AVEN: variants seen among roughly 807,000 people sequenced by gnomAD.
AVEN encodes apoptosis and caspase activation inhibitor.
A neutral mutation model predicts 38.1 loss-of-function variants in AVEN; 41 were observed. The observed-to-expected ratio is 1.08, with a 90% CI of 0.84 to 1.40. The LOEUF is 1.40. Ranked by LOEUF, AVEN falls within the 40% of genes most tolerant of loss-of-function variation. The pLI, the probability that AVEN is intolerant of heterozygous loss-of-function variation, is 0.00. For synonymous variants in AVEN, 206 were observed against 171.8 expected (o/e 1.20, Z -1.56); for missense variants, 605 against 438.8 (o/e 1.38, Z -3.38).
chr15:34,035,129 G>A (rs76818512), intron 1 of AVEN, among the ~76,000 whole-genome samples: 3,041 of 152,148 alleles, frequency 0.02, 79 homozygotes, highest in Admixed American at 0.049. Flanking sequence ...AACGCCATCG[G>A]GTATTAATTA....
intron 4 of AVEN, chr15:34,064,097 C>G (rs1223290315): frequency 6.2e-7 from 1 of 1,614,178 alleles, no homozygotes. Context: ...CGTATAACAT[C>G]ATGGTCCTGG....
intron 1 of AVEN, among the ~76,000 whole-genome samples, chr15:34,072,058 G>A (rs1175737296): frequency 6.6e-6 from 1 of 151,940 alleles, no homozygotes; most frequent in Non-Finnish European, 1.5e-5. Flanking sequence ...TTGAGGCCAG[G>A]AGTCTGAGAT....
Position 34,039,085 on chromosome 15 carries a change from G to C in AVEN, c.-39C>G, listed in dbSNP as rs1021896833. The C allele has an allele frequency of 8.0e-5, 86 of 1,079,138 alleles. No homozygotes were observed. The highest frequency in any genetic ancestry group is 5.9e-4 in the Admixed American group (11 of 18,790). The allele number at this position is 1,079,138 out of a possible 1,614,324, so 66.8% of individuals were successfully genotyped here. ...GCGGTGCTGAGCGCGCGGGAGCCGA[G>C]CTGCGGCGGAGACGCCCTGGCCCCA... On this transcript the variant is annotated 5_prime_UTR_variant, in exon 1 of 6. Coordinates refer to ENST00000306730, the MANE Select transcript of AVEN (RefSeq NM_020371.3).
At chr15:33,966,592 C>G (rs1401640789) in intron 2 of AVEN, among the ~76,000 whole-genome samples, 4 of 152,164 alleles carry the variant, frequency 2.6e-5, no homozygotes. Flanking sequence ...TAATTTCCAT[C>G]TACACCCCTT....
chr15:34,036,383 G>A (rs2140783824), intron 1 of AVEN, among the ~76,000 whole-genome samples: 1 of 152,252 alleles, frequency 6.6e-6, no homozygotes, highest in East Asian at 1.9e-4. Context: ...CACAAAATTG[G>A]TTTCTGAAGG....
chr15:33,855,837 G>A (rs1416794951), downstream of AVEN: 1 of 152,078 alleles, frequency 6.6e-6, no homozygotes, highest in Non-Finnish European at 1.5e-5. Context: ...ATATAGCAAC[G>A]GCTATAACCA....
intron 1 of AVEN, among the ~76,000 whole-genome samples, chr15:34,031,340 A>G (rs994595003): frequency 6.6e-6 from 1 of 151,840 alleles, no homozygotes; most frequent in African/African-American, 2.4e-5. Context: ...ATGCCTGGCT[A>G]ATTTTTATAT....
chr15:33,937,568 G>A (rs1422413545), intron 2 of AVEN, among the ~76,000 whole-genome samples: 1 of 151,920 alleles, frequency 6.6e-6, no homozygotes, highest in Non-Finnish European at 1.5e-5. Context: ...GGACTAAATG[G>A]TATCCCCCCA....
downstream of AVEN, chr15:33,854,832 G>A: frequency 1.2e-6 from 2 of 1,613,780 alleles, no homozygotes; most frequent in South Asian, 2.2e-5. Context: ...CTTCTTCTTT[G>A]CTGCTCACCT....
chr15:33,938,402 C>G (rs1362711209), intron 2 of AVEN, among the ~76,000 whole-genome samples: 1 of 151,944 alleles, frequency 6.6e-6, no homozygotes, highest in Non-Finnish European at 1.5e-5. Context: ...TTGCAGTGAG[C>G]CGAGATCGCG....
At chr15:34,022,930 G>A (rs1012063219) in intron 1 of AVEN, among the ~76,000 whole-genome samples, 2 of 152,206 alleles carry the variant, frequency 1.3e-5, no homozygotes, top group Admixed American at 6.5e-5. Context: ...GCTCACGCCT[G>A]TAATCCCAGC....
intron 2 of AVEN, among the ~76,000 whole-genome samples, chr15:33,942,567 C>G (rs1363885719): frequency 2.6e-5 from 4 of 152,104 alleles, no homozygotes; most frequent in Non-Finnish European, 5.9e-5. Context: ...TCTCCTGCCT[C>G]AGCCTCCCAA....
chr15:33,965,136 G>C (rs1895337505), intron 2 of AVEN, among the ~76,000 whole-genome samples: 1 of 152,146 alleles, frequency 6.6e-6, no homozygotes, highest in African/African-American at 2.4e-5. Context: ...CACTGGTCTT[G>C]TACCAAGTAA....
chr15:33,917,268 C>T (rs753735742), intron 2 of AVEN, among the ~76,000 whole-genome samples: 11 of 151,776 alleles, frequency 7.2e-5, no homozygotes, highest in Admixed American at 2.0e-4. Flanking sequence ...CTTGCACATA[C>T]GTTTGTAGCA....
chr15:33,919,822 C>T (rs999273993), intron 2 of AVEN, among the ~76,000 whole-genome samples: 2 of 152,176 alleles, frequency 1.3e-5, no homozygotes, highest in Admixed American at 1.3e-4. Flanking sequence ...AAAATTTGAA[C>T]CAACCATTAA....
At chr15:33,887,787 T>C (rs903584148) in intron 2 of AVEN, among the ~76,000 whole-genome samples, 6 of 152,216 alleles carry the variant, frequency 3.9e-5, no homozygotes, top group Non-Finnish European at 7.4e-5. Context: ...GTGATACTAA[T>C]TTATTTAGAA....
intron 1 of AVEN, among the ~76,000 whole-genome samples, chr15:34,025,124 C>T (rs1212695467): frequency 1.3e-5 from 2 of 151,880 alleles, no homozygotes; most frequent in South Asian, 4.2e-4. Context: ...AAGCAGAGAT[C>T]GCACCACTGC....
rs1016912550 is a variant in AVEN, at chr15:33,929,615, C to A, written c.446-53620G>T. The stretch of plus-strand genomic sequence containing the variant: ...AAACTAAAGCAAGAATTCTCTATCA[C>A]CATTAAAAAATTAGAATATTTCACC... On this transcript the variant is annotated intron_variant, in intron 2 of 5. Coordinates refer to ENST00000306730, the MANE Select transcript of AVEN (RefSeq NM_020371.3). 2.0e-5 allele frequency among the ~76,000 whole-genome samples: 3 copies of A among 152,170 alleles called. No homozygotes were observed. In the South Asian group the frequency reaches 6.2e-4, roughly 31 times the overall value.
intron 1 of AVEN, among the ~76,000 whole-genome samples, chr15:34,071,063 C>T (rs1002453682): frequency 5.3e-5 from 8 of 152,186 alleles, no homozygotes; most frequent in Admixed American, 1.3e-4. Context: ...TCATCCCACC[C>T]ACCAGATGCC....
Sources: allele counts gnomAD v4.1 joint callset (sites outside exome capture counted in the v4.1 genomes callset), GRCh38; gene constraint gnomAD v4.1.1; transcripts MANE v1.5; gene names NCBI Gene and HGNC (gene_info 2026-07-23, HGNC 2026-07-21).